The following MEGF10 variants were observed in gnomAD, a reference collection of about 807,000 sequenced individuals.
The protein encoded by MEGF10 is multiple epidermal growth factor-like domains protein 10.
In MEGF10, 86 loss-of-function variants were observed where a neutral mutation model predicts 147.5. The observed-to-expected ratio is 0.58, with a 90% CI of 0.49 to 0.70. The LOEUF (loss-of-function observed/expected upper bound fraction) is 0.70. Ranked by LOEUF, MEGF10 falls within the 30% of genes least tolerant of loss-of-function variation. The pLI is 0.00. For missense variants in MEGF10, 1,329 were observed against 1,487.3 expected (o/e 0.89, Z 1.75); for synonymous variants, 478 against 525.5 (o/e 0.91, Z 1.24).
At chr5:127,384,744 A>T (rs1450119579) in intron 5 of MEGF10, among the ~76,000 whole-genome samples, 1 of 152,242 alleles carries the variant, frequency 6.6e-6, no homozygotes, top group East Asian at 1.9e-4. Context: ...TCAGCTCTCC[A>T]GAGGGGTTTT....
chr5:127,339,993 T>A (rs1400287523), intron 3 of MEGF10, among the ~76,000 whole-genome samples: 2 of 152,214 alleles, frequency 1.3e-5, no homozygotes, highest in Admixed American at 1.3e-4. Context: ...GCCAGATCTG[T>A]CTTCCCAAGT....
intron 21 of MEGF10, among the ~76,000 whole-genome samples, chr5:127,448,283 C>T (rs1037167145): frequency 6.6e-6 from 1 of 152,152 alleles, no homozygotes; most frequent in Non-Finnish European, 1.5e-5. Flanking sequence ...AAAATATAAA[C>T]TCATTTAATC....
At chr5:127,333,521 A>T (rs1366841137) in intron 2 of MEGF10, among the ~76,000 whole-genome samples, 1 of 152,054 alleles carries the variant, frequency 6.6e-6, no homozygotes, top group African/African-American at 2.4e-5. Context: ...AAAAAAAATA[A>T]AAATAAAAAT....
chr5:127,394,365 T>C (rs1376835555), intron 5 of MEGF10, among the ~76,000 whole-genome samples: 1 of 152,172 alleles, frequency 6.6e-6, no homozygotes, highest in Non-Finnish European at 1.5e-5. Context: ...AATAAGGTCA[T>C]TTTTAATACA....
chr5:127,276,238 G>A, the MEGF10 span, among the ~76,000 whole-genome samples: 1 of 152,230 alleles, frequency 6.6e-6, no homozygotes, highest in East Asian at 1.9e-4. Flanking sequence ...CTCTGCCAGA[G>A]CACTTGCTCT....
At chr5:127,301,420 G>A (rs931536022) in intron 1 of MEGF10, among the ~76,000 whole-genome samples, 1 of 152,082 alleles carries the variant, frequency 6.6e-6, no homozygotes, top group Non-Finnish European at 1.5e-5. Flanking sequence ...AGAGTTTGGG[G>A]CCCTTCGCTT....
intron 1 of MEGF10, among the ~76,000 whole-genome samples, chr5:127,311,203 G>T (rs1760274899): frequency 6.6e-6 from 1 of 151,974 alleles, no homozygotes; most frequent in Non-Finnish European, 1.5e-5. Flanking sequence ...TATATTCTGT[G>T]TACAAAAATC....
the MEGF10 span, among the ~76,000 whole-genome samples, chr5:127,268,148 T>A: frequency 3.9e-5 from 6 of 152,022 alleles, no homozygotes; most frequent in Non-Finnish European, 2.9e-5. Flanking sequence ...TCAAAGAACA[T>A]CTATTTCTGC....
intron 18 of MEGF10, among the ~76,000 whole-genome samples, chr5:127,441,111 T>C (rs1765741623): frequency 1.3e-5 from 2 of 152,224 alleles, no homozygotes; most frequent in South Asian, 4.1e-4. Context: ...ATTCAAGTTT[T>C]CCATTCTGTT....
chr5:127,393,318 A>G (rs1763774513), intron 5 of MEGF10, among the ~76,000 whole-genome samples: 2 of 152,244 alleles, frequency 1.3e-5, no homozygotes, highest in African/African-American at 2.4e-5. Context: ...AACATAAGGA[A>G]TGAATTCTGC....
intron 5 of MEGF10, among the ~76,000 whole-genome samples, chr5:127,383,709 T>C (rs1216076828): frequency 2.0e-5 from 3 of 152,138 alleles, no homozygotes; most frequent in South Asian, 4.1e-4. Context: ...AGGAGTCAGA[T>C]AGGACTTTAT....
intron 22 of MEGF10, among the ~76,000 whole-genome samples, chr5:127,450,808 T>C (rs1219897588): frequency 6.6e-6 from 1 of 152,110 alleles, no homozygotes; most frequent in Non-Finnish European, 1.5e-5. Flanking sequence ...GTCTAGGCTG[T>C]AGTGCAGTGG....
intron 1 of MEGF10, among the ~76,000 whole-genome samples, chr5:127,302,217 C>T (rs924030213): frequency 6.6e-6 from 1 of 152,050 alleles, no homozygotes; most frequent in African/African-American, 2.4e-5. Flanking sequence ...TGGAAACAAC[C>T]CAAATGTCTA....
intron 1 of MEGF10, among the ~76,000 whole-genome samples, chr5:127,313,060 C>G (rs1295339005): frequency 6.6e-6 from 1 of 152,060 alleles, no homozygotes; most frequent in East Asian, 1.9e-4. Flanking sequence ...TGACTTGGGA[C>G]AGGTAGAAAA....
At chr5:127,335,041 A>G (rs992525589) in intron 2 of MEGF10, among the ~76,000 whole-genome samples, 6 of 152,142 alleles carry the variant, frequency 3.9e-5, no homozygotes, top group Admixed American at 3.9e-4. Flanking sequence ...CCCAGATAAT[A>G]CTTAATAGAT....
At chr5:127,422,540 A>G (rs1309650069) in intron 12 of MEGF10, 130 bp from the exon 13 acceptor site, 3 of 657,404 alleles carry the variant, frequency 4.6e-6, no homozygotes, top group Non-Finnish European at 5.4e-6. Flanking sequence ...ATAAATAAAG[A>G]TACATCCCTG....
At chr5:127,254,288 T>C in the MEGF10 span, among the ~76,000 whole-genome samples, 10 of 152,294 alleles carry the variant, frequency 6.6e-5, no homozygotes, top group African/African-American at 2.2e-4. Flanking sequence ...TGCACAATCA[T>C]TTAATCTTCT....
At chr5:127,353,593 G>A (rs992928843) in intron 4 of MEGF10, among the ~76,000 whole-genome samples, 6 of 152,222 alleles carry the variant, frequency 3.9e-5, no homozygotes, top group African/African-American at 1.2e-4. Flanking sequence ...CAGCAGAATC[G>A]TGAATGGACA....
chr5:127,294,619 C>T (rs548454798), intron 1 of MEGF10, among the ~76,000 whole-genome samples: 23 of 151,962 alleles, frequency 1.5e-4, no homozygotes, highest in African/African-American at 1.7e-4. Flanking sequence ...GCCAAAATGG[C>T]GAAATCCTGT....
Sources: gnomAD v4.1 joint callset for allele counts (sites outside exome capture counted in the v4.1 genomes callset) on GRCh38, gnomAD v4.1.1 for gene constraint, MANE v1.5 for transcripts, NCBI Gene and HGNC (gene_info 2026-07-23, HGNC 2026-07-21) for gene names.